The following GRXCR2 variants were observed in gnomAD, a reference collection of about 807,000 sequenced individuals.
GRXCR2 encodes the protein glutaredoxin domain-containing cysteine-rich protein 2.
A neutral mutation model predicts 24.8 loss-of-function variants in GRXCR2; 23 were observed. That is an observed-to-expected ratio of 0.93 (90% CI 0.67 to 1.32). The LOEUF (loss-of-function observed/expected upper bound fraction) is 1.32. Among genes scored for constraint, GRXCR2 ranks in the 40% most tolerant of loss-of-function variants. The probability of loss-of-function intolerance (pLI) is 0.00; values close to 1 mark genes in which losing one functional copy is unlikely to be tolerated. For missense variants in GRXCR2, 315 were observed against 303.4 expected (o/e 1.04, Z -0.28); for synonymous variants, 130 against 116.1 (o/e 1.12, Z -0.77).
At chr5:145,908,456 T>G (rs2149924722) in intron 2 of GRXCR2, among the ~76,000 whole-genome samples, 1 of 152,270 alleles carries the variant, frequency 6.6e-6, no homozygotes, top group East Asian at 1.9e-4. Flanking sequence ...TCCTGGTGGG[T>G]TTCATCAGCT....
intron 2 of GRXCR2, among the ~76,000 whole-genome samples, chr5:145,891,757 T>A (rs1756867873): frequency 1.3e-5 from 2 of 152,150 alleles, no homozygotes; most frequent in African/African-American, 4.8e-5. Context: ...GAATTAAATG[T>A]CCCTGTCTGA....
intron 2 of GRXCR2, among the ~76,000 whole-genome samples, chr5:145,863,219 G>A (rs1259726158): frequency 1.3e-5 from 2 of 152,208 alleles, no homozygotes; most frequent in Non-Finnish European, 2.9e-5. Context: ...ACAGAACAAA[G>A]AGGCTCTTGG....
intron 2 of GRXCR2, among the ~76,000 whole-genome samples, chr5:145,861,014 A>G (rs1756328322): frequency 6.6e-6 from 1 of 151,890 alleles, no homozygotes. Context: ...CTCCTTATAG[A>G]CTATGAACCT....
chr5:145,908,200 C>T (rs182610938), intron 2 of GRXCR2, among the ~76,000 whole-genome samples: 2 of 152,284 alleles, frequency 1.3e-5, no homozygotes, highest in East Asian at 3.9e-4. Context: ...TAAATTCCGA[C>T]AATCCTAACC....
chr5:145,871,829 G>A (rs904702386), intron 1 of GRXCR2, among the ~76,000 whole-genome samples: 13 of 152,086 alleles, frequency 8.5e-5, no homozygotes, highest in African/African-American at 2.9e-4. Context: ...CATTAATAAC[G>A]TGGATACATT....
intron 2 of GRXCR2, among the ~76,000 whole-genome samples, chr5:145,893,262 G>C (rs1756897877): frequency 6.6e-6 from 1 of 152,134 alleles, no homozygotes; most frequent in Non-Finnish European, 1.5e-5. Flanking sequence ...ATAATGACAG[G>C]ATCAGATTCA....
rs770833599 is a variant in GRXCR2 at position 145,872,869 on chromosome 5, G to T, written c.100C>A (p.Gln34Lys). The change falls in exon 1 of 3, where the codon CAG (glutamine) becomes AAG (lysine). Residue 34 changes from glutamine to lysine, a missense_variant. Physicochemically the swap from Gln to Lys is moderately conservative, Grantham distance 53. Coordinates refer to ENST00000377976, the MANE Select transcript of GRXCR2 (RefSeq NM_001080516.2). ...SSSYSGRVLK[Q>K]VFEDGQELES... ...AATTCCTGCCCATCCTCAAAGACCT[G>T]CTTCAATACTCGACCGCTGTAGGAG... The T allele has an allele frequency of 6.2e-7, 1 of 1,614,078 alleles. No homozygotes were observed.
chr5:145,859,948 A>G (rs766770094), intron 2 of GRXCR2, 33 bp from the exon 3 acceptor site: 1 of 1,516,670 alleles, frequency 6.6e-7, no homozygotes, highest in Non-Finnish European at 8.9e-7. Flanking sequence ...TAGTTAAAGC[A>G]GCAGTTCAAG....
intron 2 of GRXCR2, among the ~76,000 whole-genome samples, chr5:145,889,209 A>AAAGAAAGG (rs1484192239): frequency 3.3e-5 from 5 of 151,146 alleles, no homozygotes; most frequent in Non-Finnish European, 5.9e-5. Flanking sequence ...AGAAAGAAAG[A>AAAGAAAGG]AAGAAAGAAA....
At chr5:145,893,144 G>A (rs548868940) in intron 2 of GRXCR2, among the ~76,000 whole-genome samples, 2 of 152,272 alleles carry the variant, frequency 1.3e-5, no homozygotes, top group East Asian at 3.9e-4. Flanking sequence ...ACTAAATATG[G>A]AAAGGAACAA....
At chr5:145,887,271 A>T (rs1323499048) in intron 2 of GRXCR2, among the ~76,000 whole-genome samples, 1 of 152,054 alleles carries the variant, frequency 6.6e-6, no homozygotes, top group Non-Finnish European at 1.5e-5. Context: ...TATTTTTAAA[A>T]TTTTTTTATA....
At chr5:145,907,037 T>C (rs762855861) in intron 2 of GRXCR2, among the ~76,000 whole-genome samples, 1 of 152,106 alleles carries the variant, frequency 6.6e-6, no homozygotes, top group Non-Finnish European at 1.5e-5. Context: ...GGACCGTGCC[T>C]GGAAGGTCCG....
intron 2 of GRXCR2, among the ~76,000 whole-genome samples, chr5:145,884,908 T>C (rs960190481): frequency 1.2e-3 from 180 of 152,294 alleles, no homozygotes; most frequent in Non-Finnish European, 5.0e-4. Context: ...TTTATGTGTA[T>C]TTTGGGATTT....
intron 2 of GRXCR2, among the ~76,000 whole-genome samples, chr5:145,915,161 A>T (rs1378243636): frequency 6.6e-6 from 1 of 152,102 alleles, no homozygotes; most frequent in Non-Finnish European, 1.5e-5. Flanking sequence ...AAGGGTGGGG[A>T]ATATGCAAAT....
At position 145,872,973 on chromosome 5, in the gene GRXCR2, A is replaced by G; in HGVS notation, c.-5T>C. On this transcript the variant is annotated 5_prime_UTR_variant, in exon 1 of 3. Transcript: ENST00000377976. ...CTTTTTCTCAGGGTCCTCCATCAGCAGAAAGTTGACCCTGTGGTCTCCAGC... is the reference window on the plus strand; with the variant it reads ...CTTTTTCTCAGGGTCCTCCATCAGCGGAAAGTTGACCCTGTGGTCTCCAGC... 6.2e-7 allele frequency: 1 copy of G among 1,613,176 alleles called. No homozygotes were observed. Among genetic ancestry groups the G allele is most frequent in the African/African-American group, 1.3e-5 (1 of 75,030 alleles).
intron 2 of GRXCR2, among the ~76,000 whole-genome samples, chr5:145,892,649 C>T (rs1470125223): frequency 2.0e-5 from 3 of 152,168 alleles, no homozygotes; most frequent in South Asian, 4.1e-4. Flanking sequence ...ACCAAATCTA[C>T]GTCTGACTGG....
chr5:145,917,180 G>T (rs1255162193), intron 2 of GRXCR2, among the ~76,000 whole-genome samples: 3 of 143,398 alleles, frequency 2.1e-5, no homozygotes, highest in Admixed American at 7.1e-5. Context: ...CACAGTATTT[G>T]CCTGTTACTC....
intron 2 of GRXCR2, among the ~76,000 whole-genome samples, chr5:145,919,173 G>C (rs1757284297): frequency 6.6e-6 from 1 of 152,012 alleles, no homozygotes; most frequent in South Asian, 2.1e-4. Context: ...TTCTCCTTCA[G>C]TCCAAAGTCA....
chr5:145,886,618 A>G (rs923689356), intron 2 of GRXCR2, among the ~76,000 whole-genome samples: 4 of 152,144 alleles, frequency 2.6e-5, no homozygotes, highest in Admixed American at 6.5e-5. Context: ...ATGCATTCCT[A>G]TCACACAGAA....
Sources: gnomAD v4.1 joint callset for allele counts (sites outside exome capture counted in the v4.1 genomes callset) on GRCh38, gnomAD v4.1.1 for gene constraint, MANE v1.5 for transcripts, NCBI Gene and HGNC (gene_info 2026-07-23, HGNC 2026-07-21) for gene names.